Variants in PTCHD4 observed in about 807,000 individuals in gnomAD.
PTCHD4 encodes patched domain containing 4.
PTCHD4 carries 33 observed loss-of-function variants against 58.1 expected under a neutral mutation model. The ratio of observed to expected loss-of-function variants is 0.57; its 90% confidence interval spans 0.43 to 0.76. PTCHD4 has a LOEUF of 0.76. PTCHD4 is among the 30% of genes least tolerant of loss of function. The pLI, the probability that PTCHD4 is intolerant of heterozygous loss-of-function variation, is 0.00. For synonymous variants in PTCHD4, 478 were observed against 409.6 expected, an observed-to-expected ratio of 1.17 and a Z score of -2.02; for missense variants, 1,058 against 1,027.1, an observed-to-expected ratio of 1.03 and a Z score of -0.41.
intron 4 of PTCHD4, 112 bp downstream of exon 4, chr6:48,008,520 TGA>T (rs1762546098): frequency 2.5e-6 from 3 of 1,224,270 alleles, no homozygotes; most frequent in Admixed American, 5.7e-5. Context: ...TTTTATGTAA[TGA>T]CATAGACACC....
intron 4 of PTCHD4, among the ~76,000 whole-genome samples, chr6:47,917,227 C>T (rs1765288401): frequency 6.6e-6 from 1 of 151,878 alleles, no homozygotes; most frequent in Non-Finnish European, 1.5e-5. Flanking sequence ...AAAACGACTA[C>T]TATGTTTTAA....
chr6:48,075,165 A>G (rs948236950), intron 1 of PTCHD4, among the ~76,000 whole-genome samples: 11 of 152,178 alleles, frequency 7.2e-5, no homozygotes, highest in Non-Finnish European at 1.6e-4. Flanking sequence ...AATTCATCCT[A>G]TTTAAGAGGG....
rs1397275466 is a variant in PTCHD4, at chr6:47,860,932, G to A, written c.*17371C>T. 4.6e-5 allele frequency among the ~76,000 whole-genome samples: 7 copies of A among 151,902 alleles called. No homozygotes were observed. Among genetic ancestry groups the A allele is most frequent in the African/African-American group, 7.2e-5 (3 of 41,396 alleles). On this transcript the variant is annotated 3_prime_UTR_variant, in exon 5 of 5. Transcript: ENST00000339488. ...TTTTAAAAATCAGTTCTGTATCTAA[G>A]GTAGTATAGTCCAACTAAGAAACAG...
chr6:47,914,740 TCTA>T (rs1765183357), intron 4 of PTCHD4, among the ~76,000 whole-genome samples: 1 of 146,108 alleles, frequency 6.8e-6, no homozygotes, highest in African/African-American at 2.5e-5. Flanking sequence ...CTATTATCTA[TCTA>T]TTATCTATCT....
At chr6:47,973,021 T>C (rs1034336930) in intron 4 of PTCHD4, among the ~76,000 whole-genome samples, 2 of 152,320 alleles carry the variant, frequency 1.3e-5, no homozygotes, top group East Asian at 1.9e-4. Context: ...ATTTGTTTCA[T>C]GTTCCTCGTT....
chr6:47,974,746 A>G (rs1051831939), intron 4 of PTCHD4, among the ~76,000 whole-genome samples: 1 of 152,164 alleles, frequency 6.6e-6, no homozygotes, highest in African/African-American at 2.4e-5. Flanking sequence ...TTTCATTCTT[A>G]ATTGTGTTTA....
chr6:48,073,614 C>T (rs776419890), intron 1 of PTCHD4, among the ~76,000 whole-genome samples: 40 of 152,196 alleles, frequency 2.6e-4, no homozygotes, highest in Admixed American at 5.2e-4. Context: ...TATTTCTGGT[C>T]ATCCAGGAAA....
chr6:47,985,678 C>A (rs1192623303), intron 4 of PTCHD4, among the ~76,000 whole-genome samples: 1 of 151,684 alleles, frequency 6.6e-6, no homozygotes, highest in African/African-American at 2.4e-5. Flanking sequence ...TATTGCCATG[C>A]CCTATTTTTC....
At chr6:48,098,916 C>A (rs923689600) in intron 1 of PTCHD4, among the ~76,000 whole-genome samples, 1 of 152,036 alleles carries the variant, frequency 6.6e-6, no homozygotes, top group African/African-American at 2.4e-5. Flanking sequence ...TTTGAAATTG[C>A]TCCATACACA....
rs997064084 is a variant in PTCHD4, at chr6:47,997,213, C to A, written c.898+11421G>T. 2.6e-5 allele frequency among the ~76,000 whole-genome samples: 4 copies of A among 152,160 alleles called. No individual in the cohort carries two copies. The South Asian group carries it at 8.3e-4, about 32-fold the overall frequency. ...TGTGTGATCTTATTTGGTTTTCATT[C>A]GATGAAGTGAGCCAGTTAACCTCCT... On this transcript the variant is annotated intron_variant, in intron 4 of 4. Transcript: ENST00000339488.
intron 1 of PTCHD4, among the ~76,000 whole-genome samples, chr6:48,076,343 C>T (rs13211354): frequency 3.3e-5 from 5 of 152,176 alleles, no homozygotes; most frequent in Admixed American, 3.3e-4. Flanking sequence ...AATCAACTTC[C>T]TCCAAACTCC....
At chr6:48,078,289 G>C (rs530891781) in intron 1 of PTCHD4, among the ~76,000 whole-genome samples, 4 of 152,304 alleles carry the variant, frequency 2.6e-5, no homozygotes, top group Admixed American at 6.5e-5. Context: ...ATACCAAACA[G>C]AGAGCCATTG....
intron 4 of PTCHD4, among the ~76,000 whole-genome samples, chr6:47,925,972 C>T (rs577346289): frequency 2.6e-5 from 4 of 152,214 alleles, no homozygotes; most frequent in African/African-American, 7.2e-5. Flanking sequence ...ATGAGGCTTC[C>T]AAGACTCTCG....
intron 1 of PTCHD4, among the ~76,000 whole-genome samples, chr6:48,089,326 A>G (rs535287890): frequency 1.3e-5 from 2 of 152,192 alleles, no homozygotes; most frequent in Non-Finnish European, 2.9e-5. Context: ...AATTATGATC[A>G]CAAATTAAGT....
intron 1 of PTCHD4, among the ~76,000 whole-genome samples, 89 bp downstream of exon 1, chr6:48,110,960 A>G (rs1219769794): frequency 6.6e-6 from 1 of 151,884 alleles, no homozygotes; most frequent in Non-Finnish European, 1.5e-5. Flanking sequence ...CCTTCTACAC[A>G]TGCATTGTTC....
At chr6:47,890,955 C>T (rs1229695835) in intron 4 of PTCHD4, 1 of 925,520 alleles carries the variant, frequency 1.1e-6, no homozygotes, top group African/African-American at 1.8e-5. Context: ...CACCTGTAAT[C>T]CCAGCACTTT....
At chr6:48,086,689 A>G (rs906367987) in intron 1 of PTCHD4, among the ~76,000 whole-genome samples, 1 of 152,134 alleles carries the variant, frequency 6.6e-6, no homozygotes, top group Non-Finnish European at 1.5e-5. Context: ...TGGCGTTTGC[A>G]TTTTTCCCCT....
chr6:48,084,902 C>T (rs979803203), intron 1 of PTCHD4, among the ~76,000 whole-genome samples: 2 of 151,722 alleles, frequency 1.3e-5, no homozygotes, highest in African/African-American at 4.8e-5. Context: ...CGCCACCACA[C>T]CTGACTGATT....
intron 4 of PTCHD4, among the ~76,000 whole-genome samples, chr6:47,948,421 C>T (rs1419789688): frequency 4.6e-5 from 7 of 152,196 alleles, no homozygotes; most frequent in African/African-American, 9.6e-5. Context: ...AAGCCCCACC[C>T]ACCCTCAAGG....
Sources: gnomAD v4.1 joint callset for allele counts (sites outside exome capture counted in the v4.1 genomes callset) on GRCh38, gnomAD v4.1.1 for gene constraint, MANE v1.5 for transcripts, NCBI Gene and HGNC (gene_info 2026-07-23, HGNC 2026-07-21) for gene names.